Variants in UBE2D2 observed in about 807,000 individuals in gnomAD.
UBE2D2 encodes the protein ubiquitin-conjugating enzyme E2 D2.
A neutral mutation model predicts 24.2 loss-of-function variants in UBE2D2; 2 were observed. The observed-to-expected ratio is 0.08, with a 90% CI of 0.03 to 0.26. The LOEUF (loss-of-function observed/expected upper bound fraction) is 0.26. UBE2D2 is among the 10% of genes least tolerant of loss of function. The pLI is 1.00. For synonymous variants in UBE2D2, 58 were observed against 56.5 expected (o/e 1.03, Z -0.12); for missense variants, 44 against 177.6 (o/e 0.25, Z 4.28).
chr5:139,566,494 C>T (rs902409707), intron 1 of UBE2D2, among the ~76,000 whole-genome samples: 7 of 151,520 alleles, frequency 4.6e-5, no homozygotes, highest in African/African-American at 1.2e-4. Context: ...AGCAACATGA[C>T]GAAACATGGT....
intron 1 of UBE2D2, among the ~76,000 whole-genome samples, chr5:139,598,420 C>T (rs1171300022): frequency 6.6e-6 from 1 of 151,972 alleles, no homozygotes; most frequent in Non-Finnish European, 1.5e-5. Context: ...TGATTTCCTG[C>T]CTTGTGATTT....
chr5:139,614,571 C>G lies in UBE2D2; in HGVS notation c.89-15C>G, dbSNP rs754595280. ...GATATTGTTACATGGTGACTTTTTT[C>G]TTGTTATTTTTCAGTGTTCCATTGG... On this transcript the variant is annotated splice_polypyrimidine_tract_variant and intron_variant, in intron 2 of 6. Coordinates refer to ENST00000398733, the MANE Select transcript of UBE2D2 (RefSeq NM_003339.3). 6.2e-7 allele frequency: 1 copy of G among 1,612,072 alleles called. No homozygotes were observed.
chr5:139,596,420 G>A (rs1391024716), intron 1 of UBE2D2, among the ~76,000 whole-genome samples: 3 of 150,970 alleles, frequency 2.0e-5, no homozygotes, highest in Non-Finnish European at 4.4e-5. Context: ...CAGCCTCCCC[G>A]GTAAATGGGA....
At chr5:139,541,411 C>T (rs1752760145) in intron 1 of UBE2D2, among the ~76,000 whole-genome samples, 1 of 151,292 alleles carries the variant, frequency 6.6e-6, no homozygotes, top group African/African-American at 2.4e-5. Context: ...ACCAGCCTGG[C>T]CAACACAGTG....
intron 1 of UBE2D2, among the ~76,000 whole-genome samples, chr5:139,562,798 C>T (rs1403104091): frequency 6.6e-6 from 1 of 151,964 alleles, no homozygotes; most frequent in Admixed American, 6.6e-5. Flanking sequence ...TTTTTTTTCC[C>T]TTTCTGATGT....
At chr5:139,577,336 G>A (rs910418212) in intron 1 of UBE2D2, among the ~76,000 whole-genome samples, 2 of 151,196 alleles carry the variant, frequency 1.3e-5, no homozygotes, top group African/African-American at 4.9e-5. Context: ...AATAGTTCAT[G>A]CAGGTTCTTT....
chr5:139,601,733 C>A (rs1754082488), intron 2 of UBE2D2, among the ~76,000 whole-genome samples: 1 of 152,024 alleles, frequency 6.6e-6, no homozygotes, highest in East Asian at 1.9e-4. Context: ...GATGGTGAAA[C>A]CCCGCCTCTA....
At chr5:139,552,909 C>T (rs1752941337) in intron 1 of UBE2D2, among the ~76,000 whole-genome samples, 2 of 151,416 alleles carry the variant, frequency 1.3e-5, no homozygotes, top group Middle Eastern at 3.4e-3. Context: ...CTCGAACTCC[C>T]GATCTCAGGT....
At chr5:139,592,739 A>G (rs1753870297) in intron 1 of UBE2D2, among the ~76,000 whole-genome samples, 1 of 149,858 alleles carries the variant, frequency 6.7e-6, no homozygotes, top group Non-Finnish European at 1.5e-5. Context: ...AGTAGCTGGG[A>G]CTACAGGCAC....
At chr5:139,576,529 C>T (rs547577452) in intron 1 of UBE2D2, among the ~76,000 whole-genome samples, 5 of 152,138 alleles carry the variant, frequency 3.3e-5, no homozygotes, top group Admixed American at 6.6e-5. Context: ...CCACCACGCC[C>T]GGCAAATTTT....
At position 139,620,024 on chromosome 5, in the gene UBE2D2, G is replaced by A. The variant is rs185515668; in HGVS notation, c.305-3344G>A. On this transcript the variant is annotated intron_variant, in intron 5 of 6. Coordinates refer to ENST00000398733, the MANE Select transcript of UBE2D2 (RefSeq NM_003339.3). ...AGTAGCAGGACCAAGAGAGAGATGG[G>A]GGAGGTGCCACACACTGTTAAACAG... Among the ~76,000 whole-genome samples, 40 of 152,220 alleles carry A rather than the reference G, an allele frequency of 2.6e-4. 1 individual carries two copies. The highest frequency in any genetic ancestry group is 9.1e-4 in the African/African-American group (38 of 41,534).
chr5:139,534,087 A>C (rs1369259274), intron 1 of UBE2D2, among the ~76,000 whole-genome samples: 1 of 151,052 alleles, frequency 6.6e-6, no homozygotes, highest in African/African-American at 2.4e-5. Context: ...GGCAAAAAAA[A>C]CATTTTTTTT....
intron 1 of UBE2D2, among the ~76,000 whole-genome samples, chr5:139,585,290 G>A (rs907944125): frequency 6.7e-6 from 1 of 150,242 alleles, no homozygotes; most frequent in African/African-American, 2.5e-5. Flanking sequence ...ATAGCTCACT[G>A]CAGCCCCAAA....
chr5:139,585,584 C>G (rs1232364578), intron 1 of UBE2D2, among the ~76,000 whole-genome samples: 2 of 151,956 alleles, frequency 1.3e-5, no homozygotes, highest in African/African-American at 4.8e-5. Context: ...ACTAGACTTC[C>G]TTTTGGAAAT....
intron 5 of UBE2D2, among the ~76,000 whole-genome samples, chr5:139,622,090 G>C (rs916488742): frequency 6.6e-6 from 1 of 152,190 alleles, no homozygotes; most frequent in Non-Finnish European, 1.5e-5. Context: ...TCCCTTAGGA[G>C]TTCAGGCATA....
chr5:139,608,490 C>T (rs1754242672), intron 2 of UBE2D2, among the ~76,000 whole-genome samples: 2 of 151,930 alleles, frequency 1.3e-5, no homozygotes, highest in South Asian at 4.2e-4. Context: ...GCTGGTGGCT[C>T]ATGCCTATAT....
intron 2 of UBE2D2, among the ~76,000 whole-genome samples, chr5:139,608,177 A>G (rs1315183418): frequency 6.6e-6 from 1 of 151,946 alleles, no homozygotes; most frequent in African/African-American, 2.4e-5. Context: ...CACGGCTGTA[A>G]TCCTAGCACT....
chr5:139,604,241 A>G (rs1401281966), intron 2 of UBE2D2, among the ~76,000 whole-genome samples: 1 of 151,494 alleles, frequency 6.6e-6, no homozygotes, highest in Non-Finnish European at 1.5e-5. Flanking sequence ...CGTGGGTTCA[A>G]GCAGTTCTCC....
intron 1 of UBE2D2, among the ~76,000 whole-genome samples, chr5:139,597,692 C>A (rs1469986259): frequency 2.0e-5 from 3 of 152,176 alleles, no homozygotes; most frequent in Non-Finnish European, 4.4e-5. Flanking sequence ...CAACCTGTTG[C>A]TATAGCAATG....
Sources: allele counts gnomAD v4.1 joint callset (sites outside exome capture counted in the v4.1 genomes callset), GRCh38; gene constraint gnomAD v4.1.1; transcripts MANE v1.5; gene names NCBI Gene and HGNC (gene_info 2026-07-23, HGNC 2026-07-21).